The following PDE4D variants were observed in gnomAD, a reference collection of about 807,000 sequenced individuals.
PDE4D encodes the protein 3',5'-cyclic-AMP phosphodiesterase 4D.
In PDE4D, 24 loss-of-function variants were observed where a neutral mutation model predicts 87.4. The ratio of observed to expected loss-of-function variants is 0.27; its 90% CI spans 0.20 to 0.39. The LOEUF is 0.39. Ranked by LOEUF, PDE4D falls within the 10% of genes least tolerant of loss-of-function variation. PDE4D has a pLI of 1.00. For missense variants in PDE4D, 714 were observed against 1,041.0 expected (o/e 0.69, Z 4.32); for synonymous variants, 384 against 383.2 (o/e 1.00, Z -0.02).
At chr5:59,991,178 C>A (rs1288791245) in intron 2 of PDE4D, among the ~76,000 whole-genome samples, 1 of 152,086 alleles carries the variant, frequency 6.6e-6, no homozygotes, top group Non-Finnish European at 1.5e-5. Flanking sequence ...GAAATTTTAT[C>A]CCCTGCTCTG....
chr5:59,243,798 T>G (rs1758214143), intron 1 of PDE4D, among the ~76,000 whole-genome samples: 1 of 152,076 alleles, frequency 6.6e-6, no homozygotes, highest in Non-Finnish European at 1.5e-5. Context: ...AAAAACTATC[T>G]GGAAGTATAT....
chr5:59,839,242 C>T (rs57742530), intron 1 of PDE4D, among the ~76,000 whole-genome samples: 1 of 151,158 alleles, frequency 6.6e-6, no homozygotes. Context: ...ATGCCACAGG[C>T]CTGGGGAAAA....
chr5:59,090,178 T>G lies in PDE4D; in HGVS notation c.809-51207A>C, dbSNP rs116265082. 3.3e-3 allele frequency among the ~76,000 whole-genome samples: 506 copies of G among 152,310 alleles called. 3 individuals carry two copies. Among genetic ancestry groups the G allele is most frequent in the African/African-American group, 0.012 (487 of 41,576 alleles). On this transcript the variant is annotated intron_variant, in intron 5 of 14. Coordinates refer to ENST00000340635, the MANE Select transcript of PDE4D (RefSeq NM_001104631.2). ...TCAAATTGTTAAAATATCAGAACTG[T>G]GTAAAAGCATATAAAGTTTCATCAT...
chr5:59,656,021 A>T (rs1255994246), intron 1 of PDE4D, among the ~76,000 whole-genome samples: 2 of 152,134 alleles, frequency 1.3e-5, no homozygotes, highest in Non-Finnish European at 2.9e-5. Flanking sequence ...CTACACACAC[A>T]ATACTCAAGT....
At chr5:59,679,379 C>T (rs977798330) in intron 1 of PDE4D, among the ~76,000 whole-genome samples, 1 of 152,160 alleles carries the variant, frequency 6.6e-6, no homozygotes, top group African/African-American at 2.4e-5. Flanking sequence ...GTTTTGGCCA[C>T]ATGAGAAACA....
chr5:59,174,612 G>A (rs1783536168), intron 5 of PDE4D: 1 of 152,340 alleles, frequency 6.6e-6, no homozygotes, highest in South Asian at 2.1e-4. Flanking sequence ...GTGAGAGGTT[G>A]GGATGAGAAA....
chr5:59,070,334 C>T (rs940102784), intron 5 of PDE4D, among the ~76,000 whole-genome samples: 1 of 152,128 alleles, frequency 6.6e-6, no homozygotes, highest in Non-Finnish European at 1.5e-5. Flanking sequence ...AGATCTCCTG[C>T]AGTGCATCCC....
At chr5:60,177,227 GA>G (rs1403686403) in intron 2 of PDE4D, among the ~76,000 whole-genome samples, 1 of 152,098 alleles carries the variant, frequency 6.6e-6, no homozygotes, top group African/African-American at 2.4e-5. Flanking sequence ...TGGAAAAACA[GA>G]CAGGCTTGGT....
intron 1 of PDE4D, among the ~76,000 whole-genome samples, chr5:59,480,268 T>C (rs1804021132): frequency 6.6e-6 from 1 of 152,134 alleles, no homozygotes; most frequent in African/African-American, 2.4e-5. Flanking sequence ...TAGAATAGTT[T>C]ACATTAGAAT....
intron 1 of PDE4D, among the ~76,000 whole-genome samples, chr5:60,231,697 C>T (rs1410447078): frequency 1.3e-5 from 2 of 151,886 alleles, no homozygotes; most frequent in African/African-American, 4.8e-5. Flanking sequence ...TCAAATAAGA[C>T]AGTTGTAATC....
At chr5:59,323,058 A>C (rs970150250) in intron 1 of PDE4D, among the ~76,000 whole-genome samples, 15 of 152,296 alleles carry the variant, frequency 9.8e-5, no homozygotes, top group African/African-American at 3.6e-4. Context: ...TGACTAATTC[A>C]ACTAATCCCT....
At chr5:59,244,727 G>C (rs1416639477) in intron 1 of PDE4D, among the ~76,000 whole-genome samples, 1 of 114,856 alleles carries the variant, frequency 8.7e-6, no homozygotes, top group Non-Finnish European at 1.9e-5. Flanking sequence ...TGTGTGTATA[G>C]AGAGACCGAC....
At chr5:60,389,374 G>T (rs1221690405) in intron 1 of PDE4D, among the ~76,000 whole-genome samples, 1 of 151,636 alleles carries the variant, frequency 6.6e-6, no homozygotes, top group African/African-American at 2.4e-5. Flanking sequence ...AACTCTAAAT[G>T]ATTAAAAAAT....
intron 2 of PDE4D, among the ~76,000 whole-genome samples, chr5:60,012,582 C>T (rs933253927): frequency 3.5e-5 from 5 of 144,768 alleles, no homozygotes; most frequent in Admixed American, 1.4e-4. Flanking sequence ...TCAAGGAAGA[C>T]GACTGCTATA....
At chr5:60,228,608 C>T (rs914806171) in intron 1 of PDE4D, among the ~76,000 whole-genome samples, 5 of 151,912 alleles carry the variant, frequency 3.3e-5, no homozygotes, top group Non-Finnish European at 7.4e-5. Flanking sequence ...TAGAATGCTG[C>T]AAAAGCAAGC....
At chr5:60,305,515 TAAAAC>T (rs1226599066) in intron 1 of PDE4D, among the ~76,000 whole-genome samples, 3 of 151,616 alleles carry the variant, frequency 2.0e-5, no homozygotes, top group Non-Finnish European at 4.4e-5. Context: ...TCCAGAGAAA[TAAAAC>T]AGAAACAATA....
intron 5 of PDE4D, among the ~76,000 whole-genome samples, chr5:59,075,789 C>A (rs750581355): frequency 7.9e-5 from 12 of 152,016 alleles, no homozygotes; most frequent in Admixed American, 4.6e-4. Context: ...TTTTATTTTT[C>A]TAAATATTCC....
chr5:59,393,416 G>A (rs527857473), intron 1 of PDE4D, among the ~76,000 whole-genome samples: 2 of 152,330 alleles, frequency 1.3e-5, no homozygotes, highest in Admixed American at 6.5e-5. Flanking sequence ...AGTGGTTGGA[G>A]TGAGAATTAA....
intron 1 of PDE4D, among the ~76,000 whole-genome samples, chr5:59,451,874 TTC>T (rs1363576520): frequency 6.6e-6 from 1 of 152,190 alleles, no homozygotes; most frequent in Non-Finnish European, 1.5e-5. Context: ...CCCTCAAACA[TTC>T]TTGACCTTCT....
Sources: allele counts gnomAD v4.1 joint callset (sites outside exome capture counted in the v4.1 genomes callset), GRCh38; gene constraint gnomAD v4.1.1; transcripts MANE v1.5; gene names NCBI Gene and HGNC (gene_info 2026-07-23, HGNC 2026-07-21).